FAM227B: variants seen among roughly 807,000 people sequenced by gnomAD.
The protein encoded by FAM227B is family with sequence similarity 227 member B.
Under a neutral mutation model 73.8 loss-of-function variants are expected in FAM227B, and 88 were observed. That is an observed-to-expected ratio of 1.19 (90% CI 1.00 to 1.42). FAM227B has a LOEUF of 1.42. Ranked by LOEUF, FAM227B falls within the 40% of genes most tolerant of loss-of-function variation. The pLI, the probability that FAM227B is intolerant of heterozygous loss-of-function variation, is 0.00. For synonymous variants in FAM227B, 210 were observed against 190.5 expected, an observed-to-expected ratio of 1.10 and a Z score of -0.84; for missense variants, 632 against 590.9, an observed-to-expected ratio of 1.07 and a Z score of -0.72.
At chr15:49,354,672 C>T (rs1055294323) in intron 13 of FAM227B, among the ~76,000 whole-genome samples, 1 of 152,336 alleles carries the variant, frequency 6.6e-6, no homozygotes, top group African/African-American at 2.4e-5. Context: ...GAGGGGCGCC[C>T]GCCATTGCCC....
chr15:49,519,390 C>T (rs2059621165), intron 10 of FAM227B, among the ~76,000 whole-genome samples: 1 of 152,216 alleles, frequency 6.6e-6, no homozygotes, highest in South Asian at 2.1e-4. Context: ...GACTCTCACC[C>T]CACATTTCCC....
chr15:49,336,964 TTA>T (rs2039824729), intron 13 of FAM227B, among the ~76,000 whole-genome samples: 1 of 152,220 alleles, frequency 6.6e-6, no homozygotes. Context: ...GTATTTGGTG[TTA>T]TTTACTTAGG....
chr15:49,526,530 A>T (rs1346293431), intron 10 of FAM227B, among the ~76,000 whole-genome samples: 1 of 152,170 alleles, frequency 6.6e-6, no homozygotes, highest in Non-Finnish European at 1.5e-5. Context: ...ACAAGAAGAA[A>T]ATAAATAACA....
At chr15:49,591,045 A>ATTCTT (rs2076517105) in intron 3 of FAM227B, among the ~76,000 whole-genome samples, 1 of 72,566 alleles carries the variant, frequency 1.4e-5, no homozygotes, top group African/African-American at 5.8e-5. Flanking sequence ...TTTTTTTTTG[A>ATTCTT]TTTTTTTTTT....
intron 11 of FAM227B, among the ~76,000 whole-genome samples, chr15:49,373,199 C>A (rs1378077698): frequency 6.6e-6 from 1 of 151,858 alleles, no homozygotes; most frequent in Non-Finnish European, 1.5e-5. Context: ...TTTCAAATCA[C>A]CTGAGCTTAA....
intron 1 of FAM227B, among the ~76,000 whole-genome samples, chr15:49,617,014 AT>A (rs2078332559): frequency 6.6e-6 from 1 of 152,004 alleles, no homozygotes; most frequent in African/African-American, 2.4e-5. Flanking sequence ...TTTTAATTTC[AT>A]TGATTTATTC....
intron 6 of FAM227B, chr15:49,577,230 G>T: frequency 3.1e-6 from 1 of 326,146 alleles, no homozygotes; most frequent in Non-Finnish European, 6.1e-6. Context: ...CTGGGAGGCA[G>T]AGGTTGCAGT....
intron 11 of FAM227B, among the ~76,000 whole-genome samples, chr15:49,456,966 T>C (rs1396718115): frequency 2.0e-5 from 3 of 152,120 alleles, no homozygotes; most frequent in Non-Finnish European, 2.9e-5. Context: ...GAACTTAGAA[T>C]TGAAAAAGTT....
rs774360662 is a variant in FAM227B, at chr15:49,575,029, C to A, written c.627G>T (p.Trp209Cys). The A allele has an allele frequency of 5.0e-6, 8 of 1,585,768 alleles. No individual in the cohort carries two copies. Among genetic ancestry groups the A allele is most frequent in the Non-Finnish European group, 6.9e-6 (8 of 1,164,938 alleles). The change falls in exon 8 of 16, where the codon TGG (tryptophan) becomes TGT (cysteine). Residue 209 changes from tryptophan to cysteine, a missense_variant. Trp to Cys is a radical substitution (Grantham distance 215). Transcript: ENST00000299338. ...IALLHDSFWW[W>C]FLHKFRPDRE... ...ACTATACCCTAAATTTATGGAGAAA[C>A]CACCACCAAAAGGAGTCATGCAAAA... is the stretch of plus-strand genomic sequence containing the variant.
In FAM227B at chr15:49,355,374, C is replaced by G. The variant is rs185099777; in HGVS notation, c.1271+12074G>C. ...TTAGCAGTATGTATAACTAGAATAA[C>G]CAATACAGAGAACTGCCTAAAGGAG... On this transcript the variant is annotated intron_variant, in intron 13 of 15. Transcript: ENST00000299338. Among the ~76,000 whole-genome samples the G allele has an allele frequency of 1.1e-4, 17 of 152,272 alleles. 1 individual carries two copies. The East Asian group carries it at 3.3e-3, about 29-fold the overall frequency.
chr15:49,358,767 C>G (rs1168858859), intron 13 of FAM227B, among the ~76,000 whole-genome samples: 1 of 152,106 alleles, frequency 6.6e-6, no homozygotes, highest in African/African-American at 2.4e-5. Flanking sequence ...CAAAAAAGAG[C>G]CTGCATCGCC....
chr15:49,436,007 C>A lies in FAM227B; in HGVS notation c.1013-64608G>T, dbSNP rs1339317937. On this transcript the variant is annotated intron_variant, in intron 11 of 15. Coordinates refer to ENST00000299338, the MANE Select transcript of FAM227B (RefSeq NM_152647.3). ...ACTTTATTCCATTCTGATTAATTCT[C>A]AAAATATCTCCATGCTGTAAGCTTG... Among the ~76,000 whole-genome samples the A allele has an allele frequency of 4.0e-5, 6 of 151,412 alleles. No homozygotes were observed. In the East Asian group the frequency reaches 1.2e-3, roughly 30 times the overall value.
At chr15:49,556,815 C>T (rs536788399) in intron 9 of FAM227B, among the ~76,000 whole-genome samples, 31 of 152,180 alleles carry the variant, frequency 2.0e-4, no homozygotes, top group Non-Finnish European at 3.2e-4. Flanking sequence ...TGCTCCATCA[C>T]AGACATTCCC....
chr15:49,463,929 GTTT>G (rs1261324429), intron 11 of FAM227B, among the ~76,000 whole-genome samples: 7 of 132,258 alleles, frequency 5.3e-5, no homozygotes, highest in Non-Finnish European at 9.7e-5. Context: ...GTTTTTGTTT[GTTT>G]TTTGTTTGTT....
chr15:49,454,932 C>T (rs531252747), intron 11 of FAM227B, among the ~76,000 whole-genome samples: 31 of 152,240 alleles, frequency 2.0e-4, no homozygotes, highest in African/African-American at 6.0e-4. Context: ...AAAGCACTCT[C>T]TGCAGGCCTT....
At chr15:49,348,980 G>A (rs1250125575) in intron 13 of FAM227B, among the ~76,000 whole-genome samples, 1 of 152,108 alleles carries the variant, frequency 6.6e-6, no homozygotes, top group Non-Finnish European at 1.5e-5. Context: ...GTTGAGTCAT[G>A]TTTATAATCT....
At chr15:49,420,996 A>G (rs963953791) in intron 11 of FAM227B, among the ~76,000 whole-genome samples, 1 of 152,166 alleles carries the variant, frequency 6.6e-6, no homozygotes, top group Non-Finnish European at 1.5e-5. Context: ...GTGAGCCACC[A>G]TGCTGGGCCA....
intron 11 of FAM227B, among the ~76,000 whole-genome samples, chr15:49,457,404 T>C (rs1465925989): frequency 6.6e-6 from 1 of 151,988 alleles, no homozygotes; most frequent in East Asian, 1.9e-4. Context: ...CATTCAAATT[T>C]CAAAGCTGAA....
At chr15:49,485,729 G>T (rs1396923800) in intron 11 of FAM227B, 1 of 152,302 alleles carries the variant, frequency 6.6e-6, no homozygotes, top group East Asian at 1.9e-4. Flanking sequence ...CAATTAATTG[G>T]ATCATATAAG....
Sources: gnomAD v4.1 joint callset for allele counts (sites outside exome capture counted in the v4.1 genomes callset) on GRCh38, gnomAD v4.1.1 for gene constraint, MANE v1.5 for transcripts, NCBI Gene and HGNC (gene_info 2026-07-23, HGNC 2026-07-21) for gene names.